MROH1: variants seen among roughly 807,000 people sequenced by gnomAD.
MROH1 encodes maestro heat like repeat family member 1.
MROH1 carries 117 observed loss-of-function variants against 116.5 expected under a neutral mutation model. The ratio of observed to expected loss-of-function variants is 1.00; its 90% confidence interval spans 0.86 to 1.17. MROH1 has a LOEUF of 1.17. MROH1 is among the 50% of genes most tolerant of loss of function. The pLI is 0.00. For missense variants in MROH1, 1,873 were observed against 1,338.5 expected, an observed-to-expected ratio of 1.40 and a Z score of -6.23; for synonymous variants, 921 against 583.9, an observed-to-expected ratio of 1.58 and a Z score of -8.32.
chr8:144,246,170 G>A (rs1185360647), intron 29 of MROH1, among the ~76,000 whole-genome samples: 1 of 150,332 alleles, frequency 6.7e-6, no homozygotes, highest in African/African-American at 2.5e-5. Flanking sequence ...GTGCAGTGGC[G>A]CAATCTTGGC....
chr8:144,202,068 A>G (rs1240790904), intron 12 of MROH1, among the ~76,000 whole-genome samples: 1 of 151,528 alleles, frequency 6.6e-6, no homozygotes, highest in African/African-American at 2.4e-5. Flanking sequence ...AGGACGGGGC[A>G]GACGGGGCCA....
rs1444761288 is a variant in MROH1 at position 144,182,490 on chromosome 8, T to C, written c.562+1967T>C. ...TGATTAATATCCTCAGGAAAATAAG[T>C]GGGCATCATGCATTCACGGGACAAG... is the stretch of plus-strand genomic sequence containing the variant. On this transcript the variant is annotated intron_variant, in intron 7 of 43. Coordinates refer to ENST00000326134, the MANE Select transcript of MROH1 (RefSeq NM_032450.3). The surrounding 1 kb of genome is among the most constrained non-coding windows in gnomAD (Gnocchi z 4.1). Among the ~76,000 whole-genome samples the C allele has an allele frequency of 1.3e-5, 2 of 152,152 alleles. No homozygotes were observed. Among genetic ancestry groups the C allele is most frequent in the Non-Finnish European group, 2.9e-5 (2 of 68,024 alleles).
chr8:144,192,088 C>T (rs1032976011), intron 9 of MROH1, among the ~76,000 whole-genome samples: 2 of 152,176 alleles, frequency 1.3e-5, no homozygotes, highest in Non-Finnish European at 2.9e-5. Flanking sequence ...GTCCATGGCA[C>T]CTGTGGCTTA....
intron 21 of MROH1, 113 bp downstream of exon 21, chr8:144,241,224 A>T (rs952680370): frequency 1.4e-6 from 1 of 697,578 alleles, no homozygotes; most frequent in South Asian, 1.6e-5. Flanking sequence ...GCGTGTGTGC[A>T]TACACAGGTG....
At chr8:144,244,876 T>A (rs1841632094) in intron 28 of MROH1, among the ~76,000 whole-genome samples, 1 of 152,176 alleles carries the variant, frequency 6.6e-6, no homozygotes, top group Non-Finnish European at 1.5e-5. Context: ...AGTGTGTTCT[T>A]CTAGGACCAA....
At chr8:144,218,662 TCCC>T (rs1835818431) in intron 12 of MROH1, among the ~76,000 whole-genome samples, 1 of 58,128 alleles carries the variant, frequency 1.7e-5, no homozygotes, top group African/African-American at 6.3e-5. Flanking sequence ...TCCCCTCCTC[TCCC>T]CTCCCGTCCC....
chr8:144,237,232 C>G (rs1190551932), intron 14 of MROH1, among the ~76,000 whole-genome samples: 1 of 152,198 alleles, frequency 6.6e-6, no homozygotes, highest in Non-Finnish European at 1.5e-5. Context: ...TATGTGCATG[C>G]ATCTCTCTCC....
intron 14 of MROH1, 24 bp from the exon 15 acceptor site, chr8:144,238,732 C>A (rs1225014626): frequency 1.3e-6 from 1 of 768,496 alleles, no homozygotes; most frequent in East Asian, 2.4e-5. Context: ...CCCACGCACG[C>A]CTTTGCCTTT....
At chr8:144,204,592 G>T (rs1434362141) in intron 12 of MROH1, among the ~76,000 whole-genome samples, 1 of 152,144 alleles carries the variant, frequency 6.6e-6, no homozygotes, top group Non-Finnish European at 1.5e-5. Context: ...CCTCAGAAGG[G>T]GTGACTTCTA....
rs925857660 is a variant in MROH1 at position 144,246,591 on chromosome 8, A to G, written c.2872-710A>G. 7.2e-5 allele frequency among the ~76,000 whole-genome samples: 11 copies of G among 152,292 alleles called. No homozygotes were observed. The East Asian group carries it at 2.1e-3, about 29-fold the overall frequency. ...TAAGAACAATGGCTGGTCACCCTGC[A>G]GTCTTTCTCTAACATTCCAGCCTTT... On this transcript the variant is annotated intron_variant, in intron 29 of 43. Coordinates refer to ENST00000326134, the MANE Select transcript of MROH1 (RefSeq NM_032450.3).
At position 144,173,262 on chromosome 8, in the gene MROH1, C is replaced by T. The variant is rs574169996; in HGVS notation, c.168+4822C>T. Among the ~76,000 whole-genome samples, 369 of 151,806 alleles carry T rather than the reference C, an allele frequency of 2.4e-3. 2 individuals are homozygous for T. Among genetic ancestry groups the T allele is most frequent in the African/African-American group, 8.7e-3 (358 of 41,384 alleles). ...GGACTACAGGCACGTGCCACCACTCCTGGCTAATTTTTTTTTTGTAGTTTT... is the reference window on the plus strand; with the variant it reads ...GGACTACAGGCACGTGCCACCACTCTTGGCTAATTTTTTTTTTGTAGTTTT... On this transcript the variant is annotated intron_variant, in intron 4 of 43. Coordinates refer to ENST00000326134, the MANE Select transcript of MROH1 (RefSeq NM_032450.3).
intron 1 of MROH1, among the ~76,000 whole-genome samples, chr8:144,154,219 C>G (rs1010761218): frequency 6.6e-6 from 1 of 152,126 alleles, no homozygotes; most frequent in Non-Finnish European, 1.5e-5. Context: ...CACGTGCCAC[C>G]ACGCCGGCTA....
intron 4 of MROH1, among the ~76,000 whole-genome samples, chr8:144,178,375 G>A (rs947451836): frequency 1.1e-4 from 17 of 150,532 alleles, no homozygotes; most frequent in African/African-American, 2.0e-4. Context: ...CAGGTGATCC[G>A]CCCGCCTCAG....
At chr8:144,187,517 C>T (rs1247502924) in intron 7 of MROH1, among the ~76,000 whole-genome samples, 1 of 152,188 alleles carries the variant, frequency 6.6e-6, no homozygotes, top group Non-Finnish European at 1.5e-5. Context: ...TATAAAATCC[C>T]AACACATTCC....
chr8:144,195,755 A>G (rs1588077446), intron 10 of MROH1, among the ~76,000 whole-genome samples: 1 of 151,938 alleles, frequency 6.6e-6, no homozygotes, highest in East Asian at 2.0e-4. Context: ...CACAGGCTGG[A>G]GTGCAGTGGC....
Position 144,163,760 on chromosome 8 carries a change from G to C in MROH1, c.-56-11G>C. The stretch of plus-strand genomic sequence containing the variant: ...CTTATGAATTAAATCTTGTGATTTT[G>C]GTTATTCCAGATGGGAGAAGAAGTT... On this transcript the variant is annotated splice_polypyrimidine_tract_variant and intron_variant, in intron 2 of 43. Transcript: ENST00000326134. The surrounding 1 kb of genome is among the most constrained non-coding windows in gnomAD (Gnocchi z 4.4). 6.4e-7 allele frequency: 1 copy of C among 1,556,660 alleles called. No homozygotes were observed. Among genetic ancestry groups the C allele is most frequent in the Non-Finnish European group, 8.8e-7 (1 of 1,132,238 alleles).
At chr8:144,176,547 A>AG (rs1355792116) in intron 4 of MROH1, among the ~76,000 whole-genome samples, 2 of 150,800 alleles carry the variant, frequency 1.3e-5, no homozygotes, top group African/African-American at 4.9e-5. Context: ...AAAAAAAAAA[A>AG]AAAAAGAAAT....
At position 144,180,504 on chromosome 8, in the gene MROH1, G is replaced by C; in HGVS notation, c.543G>C (p.Val181=). Residue 181 remains valine, a synonymous_variant, in exon 7 of 44, where the codon GTG becomes GTC. Transcript: ENST00000326134. The surrounding 1 kb of genome is among the most constrained non-coding windows in gnomAD (Gnocchi z 7.4). ...TGGGCGTGGCCAAGCAGGACACGGT[G>C]CGCGTGGCCTTCTGCTCCGGTAAGA... ...PVLGVAKQDT[V]RVAFCSALQR... The C allele has an allele frequency of 6.2e-7, 1 of 1,611,016 alleles. No individual in the cohort carries two copies. The highest frequency in any genetic ancestry group is 8.5e-7 in the Non-Finnish European group (1 of 1,179,792).
intron 12 of MROH1, among the ~76,000 whole-genome samples, chr8:144,202,649 GT>G (rs1296232294): frequency 1.0e-5 from 1 of 99,238 alleles, no homozygotes. Flanking sequence ...CAGGCTCTCT[GT>G]GGAGAGGCGG....
Sources: gnomAD v4.1 joint callset for allele counts (sites outside exome capture counted in the v4.1 genomes callset) on GRCh38, gnomAD v4.1.1 for gene constraint, Gnocchi (gnomAD v3.1) non-coding constraint, MANE v1.5 for transcripts, NCBI Gene and HGNC (gene_info 2026-07-23, HGNC 2026-07-21) for gene names.